PLCL1: variants seen among roughly 807,000 people sequenced by gnomAD.
PLCL1 encodes the protein inactive phospholipase C-like protein 1.
In PLCL1, 41 loss-of-function variants were observed where a neutral mutation model predicts 84.4. The ratio of observed to expected loss-of-function variants is 0.49; its 90% CI spans 0.38 to 0.63. PLCL1 has a LOEUF of 0.63. PLCL1 is among the 30% of genes least tolerant of loss of function. The pLI, the probability that PLCL1 is intolerant of heterozygous loss-of-function variation, is 0.00. For synonymous variants in PLCL1, 490 were observed against 488.3 expected, an observed-to-expected ratio of 1.00 and a Z score of -0.05; for missense variants, 1,206 against 1,367.8, an observed-to-expected ratio of 0.88 and a Z score of 1.87.
intron 1 of PLCL1, among the ~76,000 whole-genome samples, chr2:197,910,367 A>G (rs1309814039): frequency 1.3e-5 from 2 of 152,216 alleles, no homozygotes; most frequent in African/African-American, 4.8e-5. Context: ...ATCTTGTCCT[A>G]CTTGGGCAGG....
intron 1 of PLCL1, among the ~76,000 whole-genome samples, chr2:198,068,217 A>G (rs1692364613): frequency 6.6e-6 from 1 of 152,250 alleles, no homozygotes; most frequent in Non-Finnish European, 1.5e-5. Context: ...TATAGATTAT[A>G]AATGGTTTCA....
chr2:198,002,959 AG>A (rs1346569925), intron 1 of PLCL1, among the ~76,000 whole-genome samples: 1 of 152,196 alleles, frequency 6.6e-6, no homozygotes, highest in Non-Finnish European at 1.5e-5. Context: ...CAGGATTTCC[AG>A]CCCTCTATGT....
At chr2:198,021,391 T>A (rs1033057908) in intron 1 of PLCL1, among the ~76,000 whole-genome samples, 1 of 151,776 alleles carries the variant, frequency 6.6e-6, no homozygotes, top group Non-Finnish European at 1.5e-5. Context: ...AAGAAATAAC[T>A]AAGATCAGAG....
rs772091234 is a variant in PLCL1 at position 198,054,454 on chromosome 2, A to T, written c.241-29304A>T. ...CAAGACAAGTCTTAACAAAATTCAG[A>T]GAGGACAGCAGTGTGTGGCCCAGAA... On this transcript the variant is annotated intron_variant, in intron 1 of 5. Coordinates refer to ENST00000428675, the MANE Select transcript of PLCL1 (RefSeq NM_006226.4). Among the ~76,000 whole-genome samples, 34 of 152,224 alleles carry T rather than the reference A, an allele frequency of 2.2e-4. 1 individual carries two copies. Among genetic ancestry groups the T allele is most frequent in the Non-Finnish European group, 4.4e-4 (30 of 68,030 alleles).
chr2:197,839,826 A>G lies in PLCL1; in HGVS notation c.240+34487A>G, dbSNP rs114444514. Among the ~76,000 whole-genome samples the G allele has an allele frequency of 1.9e-3, 292 of 152,252 alleles. 1 individual carries two copies. Among genetic ancestry groups the G allele is most frequent in the African/African-American group, 6.7e-3 (278 of 41,544 alleles). Reference sequence around the variant, plus strand: ...TTTGCTTCCCATTAGCCAAACCCACATATATTATTATTACTTTTTTAAAAA... The same window carrying G: ...TTTGCTTCCCATTAGCCAAACCCACGTATATTATTATTACTTTTTTAAAAA... On this transcript the variant is annotated intron_variant, in intron 1 of 5. Coordinates refer to ENST00000428675, the MANE Select transcript of PLCL1 (RefSeq NM_006226.4).
rs1036807942 is a variant in PLCL1 at position 198,017,321 on chromosome 2, C to A, written c.241-66437C>A. Among the ~76,000 whole-genome samples the A allele has an allele frequency of 3.3e-5, 5 of 152,166 alleles. No homozygotes were observed. The East Asian group carries it at 9.6e-4, about 29-fold the overall frequency. ...TATCTTACACGATTCAGCCTTAGAA[C>A]TGGGGGCATGGTTTAAATTGTAATG... On this transcript the variant is annotated intron_variant, in intron 1 of 5. Transcript: ENST00000428675.
intron 1 of PLCL1, among the ~76,000 whole-genome samples, chr2:197,867,124 T>C (rs1687564433): frequency 6.6e-6 from 1 of 152,162 alleles, no homozygotes; most frequent in Admixed American, 6.5e-5. Context: ...GCCTTCCTTG[T>C]CCAATGTCAC....
chr2:197,903,468 A>ATTTTTTTT (rs3056105), intron 1 of PLCL1, among the ~76,000 whole-genome samples: 601 of 47,814 alleles, frequency 0.013, 81 homozygotes, highest in Middle Eastern at 0.056. Flanking sequence ...CTCCATTTAA[A>ATTTTTTTT]TTTTTTTTTT....
At chr2:198,081,683 T>C (rs1692717940) in intron 1 of PLCL1, among the ~76,000 whole-genome samples, 1 of 152,232 alleles carries the variant, frequency 6.6e-6, no homozygotes, top group South Asian at 2.1e-4. Flanking sequence ...CACTTGAAGA[T>C]CTGATATAAA....
At chr2:197,847,899 T>C (rs141537717) in intron 1 of PLCL1, among the ~76,000 whole-genome samples, 86 of 152,274 alleles carry the variant, frequency 5.6e-4, no homozygotes, top group African/African-American at 1.9e-3. Context: ...CCTTTGTGGT[T>C]TGGGTTATAT....
intron 1 of PLCL1, among the ~76,000 whole-genome samples, chr2:197,868,318 G>C (rs1301874076): frequency 1.3e-5 from 2 of 152,118 alleles, no homozygotes; most frequent in African/African-American, 4.8e-5. Context: ...ATCAGATGTT[G>C]CTTATCTGAC....
chr2:198,085,020 G>A lies in PLCL1; in HGVS notation c.1503G>A (p.Lys501=). ...ATCACTGCTCCTTGCCGCAGCAGAA[G>A]GTAATGGCTCAACAGATGAAAAAGG... ...LGNHCSLPQQ[K]VMAQQMKKVF... The change falls in exon 2 of 6, where the codon AAG becomes AAA. Residue 501 remains lysine, a synonymous_variant. Coordinates refer to ENST00000428675, the MANE Select transcript of PLCL1 (RefSeq NM_006226.4). This position sits in a 1 kb window ranked among gnomAD's most constrained non-coding sequence, Gnocchi z 5.3. The A allele has an allele frequency of 6.2e-7, 1 of 1,614,054 alleles. No individual in the cohort carries two copies. Among genetic ancestry groups the A allele is most frequent in the Non-Finnish European group, 8.5e-7 (1 of 1,179,994 alleles).
intron 1 of PLCL1, among the ~76,000 whole-genome samples, chr2:197,886,945 T>C (rs927450690): frequency 1.1e-4 from 17 of 152,238 alleles, no homozygotes; most frequent in African/African-American, 4.1e-4. Flanking sequence ...GTTTGCAAGC[T>C]GCTTTAACAT....
At chr2:197,942,702 G>A (rs2105775695) in intron 1 of PLCL1, among the ~76,000 whole-genome samples, 1 of 152,236 alleles carries the variant, frequency 6.6e-6, no homozygotes, top group South Asian at 2.1e-4. Flanking sequence ...AAAGATTCTG[G>A]CTTCCTGCAA....
intron 1 of PLCL1, among the ~76,000 whole-genome samples, chr2:197,836,148 C>A (rs1203446271): frequency 6.6e-6 from 1 of 152,092 alleles, no homozygotes; most frequent in Non-Finnish European, 1.5e-5. Context: ...TTTAAATCAT[C>A]CTCTAATTTT....
At chr2:197,913,530 C>A (rs888007304) in intron 1 of PLCL1, among the ~76,000 whole-genome samples, 1 of 152,190 alleles carries the variant, frequency 6.6e-6, no homozygotes, top group South Asian at 2.1e-4. Context: ...GTTAGCTATT[C>A]CACTACGCAT....
intron 1 of PLCL1, among the ~76,000 whole-genome samples, chr2:198,051,311 C>T (rs529138960): frequency 7.2e-5 from 11 of 152,168 alleles, no homozygotes; most frequent in East Asian, 3.9e-4. Context: ...ATAGAACATT[C>T]GTAAAGATAG....
chr2:197,935,680 T>A lies in PLCL1; in HGVS notation c.240+130341T>A, dbSNP rs568691631. Reference sequence around the variant, plus strand: ...TCGGGTACCATGCTTATTACCGGGGTGACAAAATAATCTGTACACCCAACC... The same window carrying A: ...TCGGGTACCATGCTTATTACCGGGGAGACAAAATAATCTGTACACCCAACC... On this transcript the variant is annotated intron_variant, in intron 1 of 5. Coordinates refer to ENST00000428675, the MANE Select transcript of PLCL1 (RefSeq NM_006226.4). Among the ~76,000 whole-genome samples the A allele has an allele frequency of 1.0e-3, 158 of 151,938 alleles. 2 individuals carry two copies. Among genetic ancestry groups the A allele is most frequent in the African/African-American group, 3.7e-3 (155 of 41,418 alleles).
chr2:198,090,100 A>G (rs1692984489), intron 3 of PLCL1, among the ~76,000 whole-genome samples: 1 of 152,190 alleles, frequency 6.6e-6, no homozygotes, highest in African/African-American at 2.4e-5. Context: ...AAGCCAGTAG[A>G]GAGAAGCATA....
Sources: allele counts gnomAD v4.1 joint callset (sites outside exome capture counted in the v4.1 genomes callset), GRCh38; gene constraint gnomAD v4.1.1; non-coding constraint Gnocchi (gnomAD v3.1); transcripts MANE v1.5; gene names NCBI Gene and HGNC (gene_info 2026-07-23, HGNC 2026-07-21).